Variants in ADAMTSL1 observed in about 807,000 individuals in gnomAD.
The protein encoded by ADAMTSL1 is ADAMTS-like protein 1.
In ADAMTSL1, 126 loss-of-function variants were observed where a neutral mutation model predicts 201.8. The observed-to-expected ratio is 0.62, with a 90% CI of 0.54 to 0.72. The LOEUF is 0.72. Among genes scored for constraint, ADAMTSL1 ranks in the 30% least tolerant of loss-of-function variants. The probability of loss-of-function intolerance (pLI) is 0.00; values close to 1 mark genes in which losing one functional copy is unlikely to be tolerated. For synonymous variants in ADAMTSL1, 1,121 were observed against 903.4 expected (o/e 1.24, Z -4.32); for missense variants, 2,679 against 2,277.8 (o/e 1.18, Z -3.59).
rs1181153093 is a variant in ADAMTSL1 at position 18,753,214 on chromosome 9, G to GT, written c.2007-80dup. ...GCACTTCCCACTTTCCCAGTTAGGG[G>GT]TTTTAACTCCATTTGAGTTCATGGG... On this transcript the variant is annotated intron_variant, in intron 15 of 28. Transcript: ENST00000380548. The GT allele has an allele frequency of 5.1e-6, 7 of 1,380,876 alleles. No homozygotes were observed. The African/African-American group carries it at 1.0e-4, about 20-fold the overall frequency. The allele number at this position is 1,380,876 out of a possible 1,614,324, so 85.5% of individuals were successfully genotyped here.
At chr9:18,012,338 G>C (rs56124553) in intron 1 of ADAMTSL1, among the ~76,000 whole-genome samples, 4 of 152,158 alleles carry the variant, frequency 2.6e-5, no homozygotes, top group Non-Finnish European at 5.9e-5. Flanking sequence ...GCAGGATCAA[G>C]AACATCTGGA....
At chr9:18,494,654 T>C (rs940607441) in intron 1 of ADAMTSL1, among the ~76,000 whole-genome samples, 3 of 152,200 alleles carry the variant, frequency 2.0e-5, no homozygotes, top group Non-Finnish European at 4.4e-5. Flanking sequence ...TTAGGGCCAG[T>C]TTATGAAGCG....
intron 23 of ADAMTSL1, among the ~76,000 whole-genome samples, chr9:18,873,029 TGG>T (rs1827954729): frequency 6.6e-6 from 1 of 152,208 alleles, no homozygotes; most frequent in Non-Finnish European, 1.5e-5. Flanking sequence ...AGGAGTAAGG[TGG>T]TATCACATTG....
chr9:18,734,786 A>G (rs1818411443), intron 15 of ADAMTSL1, among the ~76,000 whole-genome samples: 2 of 152,130 alleles, frequency 1.3e-5, no homozygotes, highest in South Asian at 4.1e-4. Context: ...TGTGATTGAT[A>G]TACTAATTAG....
At chr9:18,595,154 G>A (rs1254085277) in intron 4 of ADAMTSL1, among the ~76,000 whole-genome samples, 3 of 152,168 alleles carry the variant, frequency 2.0e-5, no homozygotes, top group African/African-American at 7.2e-5. Flanking sequence ...TGGGAATGCT[G>A]GCCAAGGAAC....
chr9:18,188,219 G>A (rs1828819222), intron 2 of ADAMTSL1, among the ~76,000 whole-genome samples: 1 of 152,080 alleles, frequency 6.6e-6, no homozygotes, highest in Admixed American at 6.6e-5. Context: ...GTAAAATCTG[G>A]AGTTGATTGT....
chr9:18,031,432 T>C (rs1820951190), intron 1 of ADAMTSL1, among the ~76,000 whole-genome samples: 1 of 152,182 alleles, frequency 6.6e-6, no homozygotes, highest in Non-Finnish European at 1.5e-5. Flanking sequence ...TGGGTTTCTT[T>C]GTTGTAGATT....
intron 2 of ADAMTSL1, among the ~76,000 whole-genome samples, chr9:18,367,029 A>T (rs909959316): frequency 3.9e-5 from 6 of 152,186 alleles, no homozygotes; most frequent in African/African-American, 1.4e-4. Flanking sequence ...TGAGCTCGCC[A>T]AGTATTTAAA....
At chr9:17,963,203 A>C (rs2061149701) in intron 1 of ADAMTSL1, among the ~76,000 whole-genome samples, 1 of 152,238 alleles carries the variant, frequency 6.6e-6, no homozygotes. Context: ...TCAAACATAC[A>C]GAAGTGTCAA....
chr9:18,076,690 A>C (rs1014027779), intron 1 of ADAMTSL1, among the ~76,000 whole-genome samples: 1 of 152,204 alleles, frequency 6.6e-6, no homozygotes, highest in Admixed American at 6.5e-5. Context: ...TGGCAATGTC[A>C]TGTGAGCAGG....
intron 2 of ADAMTSL1, among the ~76,000 whole-genome samples, chr9:18,322,063 A>G (rs1202664524): frequency 6.6e-6 from 1 of 152,202 alleles, no homozygotes; most frequent in African/African-American, 2.4e-5. Context: ...TCAATGAGAG[A>G]TTAATAAATA....
At chr9:18,003,361 A>G (rs1229556946) in intron 1 of ADAMTSL1, among the ~76,000 whole-genome samples, 1 of 152,038 alleles carries the variant, frequency 6.6e-6, no homozygotes, top group Non-Finnish European at 1.5e-5. Flanking sequence ...TACTCAAGAG[A>G]GAGAGGATAC....
intron 14 of ADAMTSL1, among the ~76,000 whole-genome samples, chr9:18,714,077 AT>A (rs1356846497): frequency 2.0e-5 from 3 of 152,288 alleles, no homozygotes; most frequent in Admixed American, 2.0e-4. Flanking sequence ...ACATACCAGA[AT>A]CTCTGGGACA....
chr9:18,481,611 T>G (rs2131809799), intron 1 of ADAMTSL1, among the ~76,000 whole-genome samples: 1 of 152,180 alleles, frequency 6.6e-6, no homozygotes, highest in South Asian at 2.1e-4. Context: ...TGTAAATAAC[T>G]CTCTGCACCT....
At chr9:18,403,531 C>A (rs1818067469) in intron 2 of ADAMTSL1, among the ~76,000 whole-genome samples, 1 of 152,138 alleles carries the variant, frequency 6.6e-6, no homozygotes, top group Admixed American at 6.5e-5. Context: ...GAGACCTTGA[C>A]CAATTTCTCT....
chr9:18,652,978 A>G (rs1158524989), intron 7 of ADAMTSL1, among the ~76,000 whole-genome samples: 1 of 152,244 alleles, frequency 6.6e-6, no homozygotes, highest in Non-Finnish European at 1.5e-5. Context: ...AATCAACTGT[A>G]GGAAAGAGAA....
intron 1 of ADAMTSL1, among the ~76,000 whole-genome samples, chr9:17,928,139 G>T (rs1038831468): frequency 1.3e-5 from 2 of 151,706 alleles, no homozygotes; most frequent in Non-Finnish European, 2.9e-5. Flanking sequence ...GGACTACAGG[G>T]ATACGCCAAC....
intron 2 of ADAMTSL1, among the ~76,000 whole-genome samples, chr9:18,224,138 C>A (rs904848216): frequency 6.6e-5 from 10 of 152,214 alleles, no homozygotes; most frequent in African/African-American, 2.4e-4. Flanking sequence ...GCCATTTGGG[C>A]ATGGTCTTGG....
intron 2 of ADAMTSL1, among the ~76,000 whole-genome samples, chr9:18,396,986 G>T (rs753756507): frequency 6.9e-6 from 1 of 145,462 alleles, no homozygotes; most frequent in Non-Finnish European, 1.5e-5. Context: ...CATTGATCTG[G>T]CTCTTGTATT....
Sources: allele counts gnomAD v4.1 joint callset (sites outside exome capture counted in the v4.1 genomes callset), GRCh38; gene constraint gnomAD v4.1.1; transcripts MANE v1.5; gene names NCBI Gene and HGNC (gene_info 2026-07-23, HGNC 2026-07-21).